ASAP1: variants seen among roughly 807,000 people sequenced by gnomAD.
ASAP1 encodes ArfGAP with SH3 domain, ankyrin repeat and PH domain 1, also known as arf-GAP with SH3 domain, ANK repeat and PH domain-containing protein 1.
ASAP1 carries 43 observed loss-of-function variants against 145.2 expected under a neutral mutation model. That is an observed-to-expected ratio of 0.30 (90% CI 0.23 to 0.38). ASAP1 has a LOEUF of 0.38. ASAP1 is among the 10% of genes least tolerant of loss of function. ASAP1 has a pLI of 1.00. For missense variants in ASAP1, 1,018 were observed against 1,355.3 expected (o/e 0.75, Z 3.91); for synonymous variants, 546 against 515.5 (o/e 1.06, Z -0.80).
At chr8:130,276,225 G>A (rs1280617151) in intron 3 of ASAP1, among the ~76,000 whole-genome samples, 2 of 152,176 alleles carry the variant, frequency 1.3e-5, no homozygotes, top group African/African-American at 2.4e-5. Context: ...GTTTAAAAAA[G>A]AAGGCTGGGG....
intron 25 of ASAP1, among the ~76,000 whole-genome samples, chr8:130,087,857 T>C (rs538415871): frequency 6.6e-6 from 1 of 151,972 alleles, no homozygotes. Context: ...CTAGGCACAG[T>C]GGGGAGAGGA....
At chr8:130,406,776 C>G (rs554307700) in intron 1 of ASAP1, among the ~76,000 whole-genome samples, 7 of 152,254 alleles carry the variant, frequency 4.6e-5, no homozygotes, top group Non-Finnish European at 8.8e-5. Flanking sequence ...AGCCACTGTG[C>G]CTGCCCTAGT....
chr8:130,197,918 C>G (rs1565078972), intron 5 of ASAP1, among the ~76,000 whole-genome samples: 1 of 152,106 alleles, frequency 6.6e-6, no homozygotes, highest in Non-Finnish European at 1.5e-5. Context: ...AAGCTACGTG[C>G]TGTTCACTAG....
intron 2 of ASAP1, among the ~76,000 whole-genome samples, chr8:130,369,237 C>T (rs1827102411): frequency 6.6e-6 from 1 of 152,006 alleles, no homozygotes; most frequent in Admixed American, 6.6e-5. Context: ...AATGAGACAC[C>T]TTGGGGATGG....
At chr8:130,316,134 C>T (rs1823649071) in intron 3 of ASAP1, among the ~76,000 whole-genome samples, 1 of 152,214 alleles carries the variant, frequency 6.6e-6, no homozygotes, top group African/African-American at 2.4e-5. Flanking sequence ...ACTGTCTGTT[C>T]CCATCCACAA....
chr8:130,180,118 C>T (rs990397091), intron 8 of ASAP1, among the ~76,000 whole-genome samples: 12 of 148,164 alleles, frequency 8.1e-5, no homozygotes, highest in African/African-American at 2.2e-4. Context: ...AGAGAGAAAG[C>T]GAGGAAGAAG....
chr8:130,418,742 T>C (rs1829592885), intron 1 of ASAP1, among the ~76,000 whole-genome samples: 1 of 150,494 alleles, frequency 6.6e-6, no homozygotes, highest in African/African-American at 2.4e-5. Context: ...CCTATTTGGA[T>C]AGAATCATAC....
At chr8:130,190,155 T>C (rs536568740) in intron 5 of ASAP1, among the ~76,000 whole-genome samples, 1 of 152,340 alleles carries the variant, frequency 6.6e-6, no homozygotes, top group African/African-American at 2.4e-5. Context: ...CTTCATATGA[T>C]CCCACTTGCG....
At chr8:130,150,895 A>G (rs1198159336) in intron 13 of ASAP1, among the ~76,000 whole-genome samples, 1 of 152,108 alleles carries the variant, frequency 6.6e-6, no homozygotes, top group Non-Finnish European at 1.5e-5. Context: ...AAACAAAACA[A>G]AAACATGGTA....
chr8:130,060,907 A>C lies in ASAP1; in HGVS notation c.2864T>G (p.Leu955Trp), dbSNP rs776255255. 3 of 1,612,230 alleles carry C rather than the reference A, an allele frequency of 1.9e-6. No individual in the cohort carries two copies. The highest frequency in any genetic ancestry group is 1.7e-5 in the Admixed American group (1 of 59,916). Residue 955 changes from leucine (L) to tryptophan (W), a missense_variant, in exon 28 of 30, where the codon TTG becomes TGG. This residue lies in a region of ASAP1 where 139 missense variants were observed against 131.0 expected (regional missense o/e 1.06). Coordinates refer to ENST00000518721, the MANE Select transcript of ASAP1 (RefSeq NM_018482.4). Reference sequence around the variant, plus strand: ...GGGCAGTTCTCCTGGCTTAGGCGGCAAATCTCCAATTTGGGGCTTGGGGGC... The same window carrying C: ...GGGCAGTTCTCCTGGCTTAGGCGGCCAATCTCCAATTTGGGGCTTGGGGGC... ...ELAPKPQIGD[L>W]PPKPGELPPK... is the part of the protein sequence containing the mutation.
intron 3 of ASAP1, among the ~76,000 whole-genome samples, chr8:130,355,710 C>T (rs1349466790): frequency 6.6e-6 from 1 of 152,186 alleles, no homozygotes; most frequent in African/African-American, 2.4e-5. Context: ...TAATGCACTA[C>T]TTCCACATAT....
rs1358660912 is a variant in ASAP1, at chr8:130,179,367, G to A, written c.661-18C>T. ...ATGAGATACTGTGAAAATAAAACAG[G>A]GTTTTGCGTTGATTAATTCCAGATG... is the stretch of plus-strand genomic sequence containing the variant. On this transcript the variant is annotated intron_variant, in intron 8 of 29. Coordinates refer to ENST00000518721, the MANE Select transcript of ASAP1 (RefSeq NM_018482.4). 6.6e-7 allele frequency: 1 copy of A among 1,521,150 alleles called. No homozygotes were observed. The highest frequency in any genetic ancestry group is 9.1e-7 in the Non-Finnish European group (1 of 1,096,392). 94.2% of individuals were successfully genotyped at this position (1,521,150 alleles called of 1,614,324 possible).
At chr8:130,130,667 TA>T (rs988758084) in intron 15 of ASAP1, among the ~76,000 whole-genome samples, 19 of 152,332 alleles carry the variant, frequency 1.2e-4, no homozygotes, top group Middle Eastern at 3.4e-3. Flanking sequence ...GGGCTTTACA[TA>T]GCTTATCCTC....
At chr8:130,162,608 G>T (rs993902290) in intron 11 of ASAP1, among the ~76,000 whole-genome samples, 1 of 152,006 alleles carries the variant, frequency 6.6e-6, no homozygotes, top group Admixed American at 6.6e-5. Flanking sequence ...CATGAGGTCA[G>T]GAGATCGAGA....
intron 1 of ASAP1, among the ~76,000 whole-genome samples, chr8:130,406,977 A>G (rs1386339375): frequency 1.3e-5 from 2 of 152,186 alleles, no homozygotes; most frequent in Admixed American, 6.5e-5. Context: ...CCAGCGCAAC[A>G]ATCTGTCCAT....
At chr8:130,087,025 CT>C (rs1317563252) in intron 25 of ASAP1, among the ~76,000 whole-genome samples, 2 of 152,238 alleles carry the variant, frequency 1.3e-5, no homozygotes, top group East Asian at 3.9e-4. Context: ...CATCTACTTC[CT>C]TCTTAAACCA....
chr8:130,107,515 A>ATGTATGT (rs1196721789), intron 24 of ASAP1, among the ~76,000 whole-genome samples: 182 of 101,762 alleles, frequency 1.8e-3, no homozygotes, highest in Middle Eastern at 0.011. Flanking sequence ...TTTTTTAAAA[A>ATGTATGT]ATGTATGTAT....
intron 3 of ASAP1, among the ~76,000 whole-genome samples, chr8:130,273,563 T>C (rs1031858623): frequency 3.3e-5 from 5 of 152,142 alleles, no homozygotes; most frequent in Non-Finnish European, 4.4e-5. Context: ...ACCCAGGAGC[T>C]TGTATTAAGG....
At chr8:130,311,480 G>A (rs1586807612) in intron 3 of ASAP1, among the ~76,000 whole-genome samples, 1 of 152,252 alleles carries the variant, frequency 6.6e-6, no homozygotes, top group African/African-American at 2.4e-5. Flanking sequence ...GGCAAAATAG[G>A]GTCCAGTGTG....
Sources: gnomAD v4.1 joint callset for allele counts (sites outside exome capture counted in the v4.1 genomes callset) on GRCh38, gnomAD v4.1.1 for gene constraint, gnomAD v4.1.1 regional missense constraint, MANE v1.5 for transcripts, NCBI Gene and HGNC (gene_info 2026-07-23, HGNC 2026-07-21) for gene names.